Variants in CORO1B observed in about 807,000 individuals in gnomAD.
CORO1B encodes the protein coronin-1B.
A neutral mutation model predicts 51.1 loss-of-function variants in CORO1B; 30 were observed. The observed-to-expected ratio is 0.59, with a 90% confidence interval of 0.44 to 0.80. CORO1B has a LOEUF of 0.80. CORO1B is among the 30% of genes least tolerant of loss of function. The pLI, the probability that CORO1B is intolerant of heterozygous loss-of-function variation, is 0.00. For missense variants in CORO1B, 648 were observed against 700.4 expected (o/e 0.93, Z 0.84); for synonymous variants, 310 against 289.7 (o/e 1.07, Z -0.71).
chr11:67,436,146 G>A lies in CORO1B; in HGVS notation c.*2230C>T, dbSNP rs1365086281. On this transcript the variant is annotated 3_prime_UTR_variant, in exon 11 of 11. Transcript: ENST00000341356. ...GTGCGGCCCCACAGCGCGGCACCTA[G>A]GCGGGCCGGGTGGTAGTAGCCCCCT... The A allele has an allele frequency of 6.4e-7, 1 of 1,572,728 alleles. No individual in the cohort carries two copies. The highest frequency in any genetic ancestry group is 1.3e-5 in the African/African-American group (1 of 74,178).
rs558234704 is a variant in CORO1B, at chr11:67,439,767, G to A, written c.1065+19C>T. ...TGCTGGAGAAAGGGCCAAGTGAGCC[G>A]AGGGACGGGCGGCCTCACCTTTCTT... is the stretch of plus-strand genomic sequence containing the variant. On this transcript the variant is annotated intron_variant, in intron 9 of 10. Coordinates refer to ENST00000341356, the MANE Select transcript of CORO1B (RefSeq NM_020441.3). 19 of 1,577,872 alleles carry A rather than the reference G, an allele frequency of 1.2e-5. No homozygotes were observed. The highest frequency in any genetic ancestry group is 9.3e-5 in the South Asian group (8 of 86,010).
At chr11:67,442,376 CA>C in intron 2 of CORO1B, 51 bp downstream of exon 2, 4 of 1,572,138 alleles carry the variant, frequency 2.5e-6, no homozygotes, top group Non-Finnish European at 3.5e-6. Flanking sequence ...CAGAAAGGCC[CA>C]GTAGGGGTGG....
chr11:67,440,167 C>T lies in CORO1B; in HGVS notation c.958G>A (p.Gly320Ser). Residue 320 changes from glycine to serine, a missense_variant, in exon 8 of 11, where the codon GGC becomes AGC. Physicochemically the swap from Gly to Ser is moderately conservative, Grantham distance 56. Transcript: ENST00000341356. ...TCCAGGCCCCGCTTGGGCATGCTGC[C>T]CATACCCCGCTGCGGCTCCTTGCTG... is the stretch of plus-strand genomic sequence containing the variant. The part of the protein sequence containing the change: ...FTSKEPQRGM[G>S]SMPKRGLEVS... The T allele has an allele frequency of 6.2e-7, 1 of 1,613,798 alleles. No individual in the cohort carries two copies. The highest frequency in any genetic ancestry group is 8.5e-7 in the Non-Finnish European group (1 of 1,179,996).
chr11:67,439,180 C>T (rs1011239253), intron 9 of CORO1B, among the ~76,000 whole-genome samples: 8 of 152,370 alleles, frequency 5.3e-5, no homozygotes, highest in African/African-American at 1.9e-4. Flanking sequence ...GGCACAGGGG[C>T]CACTATGTGG....
Position 67,437,597 on chromosome 11 carries a change from C to CG in CORO1B, c.*778dup. 13 of 1,351,412 alleles carry CG rather than the reference C, an allele frequency of 9.6e-6. No homozygotes were observed. The highest frequency in any genetic ancestry group is 2.0e-4 in the Middle Eastern group (1 of 5,004). 83.7% of individuals were successfully genotyped at this position (1,351,412 alleles called of 1,614,324 possible). On this transcript the variant is annotated 3_prime_UTR_variant, in exon 11 of 11. Coordinates refer to ENST00000341356, the MANE Select transcript of CORO1B (RefSeq NM_020441.3). ...GCCTGTGGCCCCCATCCCAAGAACCCGGGGGGCTCCGAGGCTTACCATTGG... is the reference window on the plus strand; with the variant it reads ...GCCTGTGGCCCCCATCCCAAGAACCCGGGGGGGCTCCGAGGCTTACCATTGG...
In CORO1B at chr11:67,441,839, C is replaced by A; in HGVS notation, c.348G>T (p.Gly116=). 1 of 1,613,186 alleles carries A rather than the reference C, an allele frequency of 6.2e-7. No individual in the cohort carries two copies. The highest frequency in any genetic ancestry group is 8.5e-7 in the Non-Finnish European group (1 of 1,179,990). ...CCGGCTCTGTCAGCGGGGAGGTCAG[C>A]CCGTTCTCTGGGATCTGCCACACCT... The part of the protein sequence containing the change: ...TVMVWQIPEN[G]LTSPLTEPVV... Residue 116 remains glycine, a synonymous_variant, in exon 4 of 11, where the codon GGG becomes GGT. Coordinates refer to ENST00000341356, the MANE Select transcript of CORO1B (RefSeq NM_020441.3).
upstream of CORO1B, chr11:67,443,588 C>T (rs1019943934): frequency 8.6e-5 from 60 of 696,890 alleles, no homozygotes; most frequent in Non-Finnish European, 1.0e-4. Flanking sequence ...CTGAGCGGCG[C>T]CGGGGGGCCG....
intron 8 of CORO1B, 47 bp from the exon 9 acceptor site, chr11:67,439,890 C>T (rs557327122): frequency 5.2e-6 from 8 of 1,527,956 alleles, no homozygotes; most frequent in South Asian, 1.2e-5. Context: ...ACCGCCCCCC[C>T]CACCCACCGC....
At chr11:67,443,325 C>T (rs900434269) in intron 1 of CORO1B, 79 bp downstream of exon 1, 1 of 236,128 alleles carries the variant, frequency 4.2e-6, no homozygotes, top group Non-Finnish European at 6.8e-6. Context: ...GCGATCCCCC[C>T]TCAGCCCCCT....
chr11:67,443,138 G>A (rs1245724462), intron 1 of CORO1B, among the ~76,000 whole-genome samples: 1 of 152,204 alleles, frequency 6.6e-6, no homozygotes, highest in Non-Finnish European at 1.5e-5. Flanking sequence ...CCCAGGAAGG[G>A]ACGGGGTCGG....
rs547558621 is a variant in CORO1B, at chr11:67,441,371, C to T, written c.598G>A (p.Val200Met). 32 of 1,613,766 alleles carry T rather than the reference C, an allele frequency of 2.0e-5. No homozygotes were observed. The African/African-American group carries it at 2.8e-4, about 14-fold the overall frequency. Reference protein sequence around the residue: ...LFCSACKDKSVRIIDPRRGTL... With the variant: ...LFCSACKDKSMRIIDPRRGTL... ...CCCCGACGGGGGTCGATGATGCGCA[C>T]GCTCTTGTCCTTGCATGCTGAGCAA... is the stretch of plus-strand genomic sequence containing the variant. The change falls in exon 5 of 11, where the codon GTG (valine) becomes ATG (methionine). Residue 200 changes from valine to methionine, a missense_variant. Transcript: ENST00000341356.
chr11:67,441,107 C>G lies in CORO1B; in HGVS notation c.756+18G>C. The G allele has an allele frequency of 6.2e-7, 1 of 1,612,926 alleles. No individual in the cohort carries two copies. The highest frequency in any genetic ancestry group is 8.5e-7 in the Non-Finnish European group (1 of 1,179,984). ...GGGGCCCAAGTCTCAAGTTTGCCCC[C>G]TCAGGCTGGCCACTCACTGGGTCCC... On this transcript the variant is annotated intron_variant, in intron 6 of 10. Coordinates refer to ENST00000341356, the MANE Select transcript of CORO1B (RefSeq NM_020441.3).
At chr11:67,440,096 G>A (rs373778153) in intron 8 of CORO1B, 22 bp downstream of exon 8, 1 of 1,595,534 alleles carries the variant, frequency 6.3e-7, no homozygotes, top group South Asian at 1.1e-5. Context: ...CTATCCCCGA[G>A]TGGCCTCGGT....
Position 67,438,108 on chromosome 11 carries a change from C to G in CORO1B, c.*268G>C, listed in dbSNP as rs1012042756. 3 of 414,032 alleles carry G rather than the reference C, an allele frequency of 7.2e-6. No individual in the cohort carries two copies. The highest frequency in any genetic ancestry group is 4.0e-5 in the Admixed American group (1 of 25,104). The allele number at this position is 414,032 out of a possible 1,614,324, so 25.6% of individuals were successfully genotyped here. Reference sequence around the variant, plus strand: ...TATAGAGCCCACCCTCCCGCCTCCTCTGGGGAGGGAGCAGAGGGCTGGGCA... The same window carrying G: ...TATAGAGCCCACCCTCCCGCCTCCTGTGGGGAGGGAGCAGAGGGCTGGGCA... On this transcript the variant is annotated 3_prime_UTR_variant, in exon 11 of 11. Transcript: ENST00000341356.
chr11:67,441,990 G>A lies in CORO1B; in HGVS notation c.300C>T (p.Ser100=), dbSNP rs780654908. The change falls in exon 3 of 11, where the codon AGC becomes AGT. Residue 100 remains serine, a synonymous_variant. Coordinates refer to ENST00000341356, the MANE Select transcript of CORO1B (RefSeq NM_020441.3). ...WCPHNDEVIA[S]GSEDCTVMVW... is the part of the protein sequence containing the mutation. ...CCATGACCGTGCAGTCCTCCGAGCC[G>A]CTGGCTATGACTTCGTCGTTGTGAG... 4 of 1,613,204 alleles carry A rather than the reference G, an allele frequency of 2.5e-6. No individual in the cohort carries two copies. The highest frequency in any genetic ancestry group is 1.7e-5 in the Admixed American group (1 of 60,016).
At position 67,438,708 on chromosome 11, in the gene CORO1B, G is replaced by C; in HGVS notation, c.1307C>G (p.Ala436Gly). The change falls in exon 10 of 11, where the codon GCT becomes GGT. Residue 436 changes from alanine (A) to glycine (G), a missense_variant. Physicochemically the swap from Ala to Gly is moderately conservative, Grantham distance 60. Transcript: ENST00000341356. ...LGAPASTTTA[A>G]DATPSGSLAR... Reference sequence around the variant, plus strand: ...CAGGCTGCCGCTGGGGGTGGCATCAGCAGCAGTGGTGGTGGAGGCGGGGGC... The same window carrying C: ...CAGGCTGCCGCTGGGGGTGGCATCACCAGCAGTGGTGGTGGAGGCGGGGGC... The C allele has an allele frequency of 6.4e-7, 1 of 1,552,662 alleles. No individual in the cohort carries two copies. The highest frequency in any genetic ancestry group is 8.7e-7 in the Non-Finnish European group (1 of 1,152,108).
rs114276194 is a variant in CORO1B, at chr11:67,442,156, G to T, written c.202-68C>A. The T allele has an allele frequency of 8.1e-4, 1,280 of 1,584,086 alleles. 14 individuals carry two copies. The African/African-American group carries it at 0.016, about 19-fold the overall frequency. On this transcript the variant is annotated intron_variant, in intron 2 of 10. Coordinates refer to ENST00000341356, the MANE Select transcript of CORO1B (RefSeq NM_020441.3). ...AAGCCTTGGTCTTCCCCTCCATGGA[G>T]TGGGAATGACATGCACGTCCCGGCT... is the stretch of plus-strand genomic sequence containing the variant.
rs1864382241 is a variant in CORO1B, at chr11:67,440,998, G to A, written c.756+127C>T. 5 of 1,407,450 alleles carry A rather than the reference G, an allele frequency of 3.6e-6. No homozygotes were observed. The South Asian group carries it at 5.9e-5, about 17-fold the overall frequency. The allele number at this position is 1,407,450 out of a possible 1,614,324, so 87.2% of individuals were successfully genotyped here. ...GAGAGGAAAGTCTGACAGAGTCCTAGGCCCTGAGAGCCTCAAGTTCCAGGC... is the reference window on the plus strand; with the variant it reads ...GAGAGGAAAGTCTGACAGAGTCCTAAGCCCTGAGAGCCTCAAGTTCCAGGC... On this transcript the variant is annotated intron_variant, in intron 6 of 10. Transcript: ENST00000341356.
rs1864318364 is a variant in CORO1B at position 67,437,909 on chromosome 11, G to A, written c.*467C>T. 4 of 379,864 alleles carry A rather than the reference G, an allele frequency of 1.1e-5. No homozygotes were observed. Among genetic ancestry groups the A allele is most frequent in the Non-Finnish European group, 1.9e-5 (4 of 214,186 alleles). 23.5% of individuals were successfully genotyped at this position (379,864 alleles called of 1,614,324 possible). A position where few individuals can be genotyped will look rare whatever the true frequency, so the allele number is the denominator to read the frequency against. On this transcript the variant is annotated 3_prime_UTR_variant, in exon 11 of 11. Coordinates refer to ENST00000341356, the MANE Select transcript of CORO1B (RefSeq NM_020441.3). ...TCAGGTCTTCTGCCTCAGTTTCCCT[G>A]CCTGACAATCCAGGGGAGCAATGCC...
Sources: gnomAD v4.1 joint callset for allele counts (sites outside exome capture counted in the v4.1 genomes callset) on GRCh38, gnomAD v4.1.1 for gene constraint, MANE v1.5 for transcripts, NCBI Gene and HGNC (gene_info 2026-07-23, HGNC 2026-07-21) for gene names.